Variants in CSNK2A2IP observed in about 807,000 individuals in gnomAD.
CSNK2A2IP encodes the protein casein kinase 2 subunit alpha' interacting protein, also known as casein kinase II subunit alpha'-interacting protein.
the CSNK2A2IP span, among the ~76,000 whole-genome samples, chr3:88,380,599 G>A: frequency 2.6e-5 from 4 of 151,784 alleles, no homozygotes; most frequent in Non-Finnish European, 4.4e-5. Flanking sequence ...AGAAAAAACA[G>A]CTATTTCTAG....
chr3:88,363,955 C>T, the CSNK2A2IP span, among the ~76,000 whole-genome samples: 2 of 152,134 alleles, frequency 1.3e-5, no homozygotes, highest in Non-Finnish European at 2.9e-5. Context: ...CATTGATCAT[C>T]TCTCTGCATG....
At chr3:88,450,367 T>C in the CSNK2A2IP span, among the ~76,000 whole-genome samples, 2 of 152,168 alleles carry the variant, frequency 1.3e-5, no homozygotes, top group African/African-American at 4.8e-5. Flanking sequence ...ACAGTTTCGT[T>C]ACTTATAATT....
chr3:88,443,020 A>T, the CSNK2A2IP span, among the ~76,000 whole-genome samples: 1 of 152,278 alleles, frequency 6.6e-6, no homozygotes, highest in South Asian at 2.1e-4. Flanking sequence ...ATAAAAATGT[A>T]TGTTTGCTTT....
chr3:88,348,642 G>A, the CSNK2A2IP span, among the ~76,000 whole-genome samples: 1 of 151,952 alleles, frequency 6.6e-6, no homozygotes. Context: ...CCATTTTAGG[G>A]TTTCCTGAAA....
chr3:88,439,695 T>A, the CSNK2A2IP span, among the ~76,000 whole-genome samples: 2 of 142,698 alleles, frequency 1.4e-5, no homozygotes, highest in African/African-American at 5.3e-5. Flanking sequence ...TGAGCCGAGA[T>A]CATGCCACAG....
chr3:88,380,590 G>A, the CSNK2A2IP span, among the ~76,000 whole-genome samples: 1 of 151,698 alleles, frequency 6.6e-6, no homozygotes, highest in Non-Finnish European at 1.5e-5. Flanking sequence ...AACTGTTATA[G>A]AAAAAACAGC....
the CSNK2A2IP span, among the ~76,000 whole-genome samples, chr3:88,451,052 T>C: frequency 6.6e-6 from 1 of 152,136 alleles, no homozygotes; most frequent in Non-Finnish European, 1.5e-5. Flanking sequence ...TCTTAACAAA[T>C]GTAAGGGTGT....
At chr3:88,397,787 C>T in the CSNK2A2IP span, among the ~76,000 whole-genome samples, 1 of 151,142 alleles carries the variant, frequency 6.6e-6, no homozygotes, top group Non-Finnish European at 1.5e-5. Context: ...AAAATAACAT[C>T]ACAGTTTGAG....
At chr3:88,356,385 A>G in the CSNK2A2IP span, among the ~76,000 whole-genome samples, 2 of 152,134 alleles carry the variant, frequency 1.3e-5, no homozygotes, top group East Asian at 1.9e-4. Context: ...TTCACTTAGC[A>G]TAATGACCTC....
At chr3:88,341,934 A>G in the CSNK2A2IP span, among the ~76,000 whole-genome samples, 140 of 152,122 alleles carry the variant, frequency 9.2e-4, 1 homozygote, top group Middle Eastern at 3.4e-3. Flanking sequence ...CTTGATAAGC[A>G]GAGGATTATA....
the CSNK2A2IP span, among the ~76,000 whole-genome samples, chr3:88,344,334 GTC>G: frequency 6.6e-6 from 1 of 151,846 alleles, no homozygotes; most frequent in Non-Finnish European, 1.5e-5. Flanking sequence ...GAAGGCATGT[GTC>G]TTTTATTTCC....
the CSNK2A2IP span, among the ~76,000 whole-genome samples, chr3:88,354,161 C>T: frequency 6.6e-6 from 1 of 152,306 alleles, no homozygotes; most frequent in African/African-American, 2.4e-5. Flanking sequence ...TGATGCTACC[C>T]TTCTTGCATA....
chr3:88,453,277 A>T, the CSNK2A2IP span, among the ~76,000 whole-genome samples: 1 of 152,132 alleles, frequency 6.6e-6, no homozygotes, highest in African/African-American at 2.4e-5. Flanking sequence ...ATAAAAAATT[A>T]ATATAGGCCT....
chr3:88,423,361 C>T, the CSNK2A2IP span, among the ~76,000 whole-genome samples: 1 of 152,060 alleles, frequency 6.6e-6, no homozygotes, highest in African/African-American at 2.4e-5. Flanking sequence ...CTGCTGGGTA[C>T]ACTTTTTTTT....
chr3:88,375,734 T>A, the CSNK2A2IP span, among the ~76,000 whole-genome samples: 1 of 151,918 alleles, frequency 6.6e-6, no homozygotes, highest in East Asian at 1.9e-4. Context: ...TGTTACTCTA[T>A]ATTCAATATT....
At chr3:88,420,131 G>A in the CSNK2A2IP span, among the ~76,000 whole-genome samples, 1 of 152,134 alleles carries the variant, frequency 6.6e-6, no homozygotes, top group Non-Finnish European at 1.5e-5. Context: ...ATTCCAGTGT[G>A]TAGCTAAGGA....
chr3:88,381,061 T>C, the CSNK2A2IP span, among the ~76,000 whole-genome samples: 5 of 152,294 alleles, frequency 3.3e-5, no homozygotes, highest in African/African-American at 9.6e-5. Context: ...CTCTTGCTTA[T>C]GTTTAGTGGA....
At chr3:88,411,136 T>G in the CSNK2A2IP span, among the ~76,000 whole-genome samples, 1 of 152,046 alleles carries the variant, frequency 6.6e-6, no homozygotes, top group South Asian at 2.1e-4. Flanking sequence ...AGAATAACAT[T>G]TTCTTCTTTA....
the CSNK2A2IP span, among the ~76,000 whole-genome samples, chr3:88,349,709 A>G: frequency 6.6e-6 from 1 of 152,074 alleles, no homozygotes; most frequent in Non-Finnish European, 1.5e-5. Flanking sequence ...ATGAGTCTCC[A>G]TACTGTTTTC....
Sources: allele counts gnomAD v4.1 joint callset (sites outside exome capture counted in the v4.1 genomes callset), GRCh38; gene constraint gnomAD v4.1.1; transcripts MANE v1.5; gene names NCBI Gene and HGNC (gene_info 2026-07-23, HGNC 2026-07-21).